The following PKD1L1 variants were observed in gnomAD, a reference collection of about 807,000 sequenced individuals.
PKD1L1 encodes polycystin-1-like protein 1.
A neutral mutation model predicts 323.4 loss-of-function variants in PKD1L1; 236 were observed. The ratio of observed to expected loss-of-function variants is 0.73; its 90% confidence interval spans 0.66 to 0.81. The LOEUF (loss-of-function observed/expected upper bound fraction) is 0.81, where lower values mean the gene tolerates loss of function less well. Ranked by LOEUF, PKD1L1 falls within the 40% of genes least tolerant of loss-of-function variation. The pLI, the probability that PKD1L1 is intolerant of heterozygous loss-of-function variation, is 0.00. For missense variants in PKD1L1, 3,320 were observed against 3,508.0 expected (o/e 0.95, Z 1.35); for synonymous variants, 1,344 against 1,335.0 (o/e 1.01, Z -0.15).
At chr7:47,914,862 G>C (rs1160328667) in intron 8 of PKD1L1, among the ~76,000 whole-genome samples, 3 of 152,044 alleles carry the variant, frequency 2.0e-5, no homozygotes, top group Non-Finnish European at 2.9e-5. Flanking sequence ...CAGATACCTG[G>C]AGCCAGCCCA....
At chr7:47,890,820 C>T (rs1583652763) in intron 15 of PKD1L1, 57 bp from the exon 16 acceptor site, 1 of 1,492,124 alleles carries the variant, frequency 6.7e-7, no homozygotes, top group African/African-American at 1.4e-5. Flanking sequence ...TCAGGGACTA[C>T]CCTGTGTCAC....
chr7:47,854,590 T>C (rs1785855048), intron 30 of PKD1L1, among the ~76,000 whole-genome samples: 1 of 152,190 alleles, frequency 6.6e-6, no homozygotes, highest in Admixed American at 6.5e-5. Flanking sequence ...AAAAAAAATC[T>C]TGCTCAGACC....
intron 21 of PKD1L1, among the ~76,000 whole-genome samples, chr7:47,879,401 G>A (rs899267656): frequency 7.9e-5 from 12 of 152,120 alleles, no homozygotes; most frequent in African/African-American, 2.7e-4. Context: ...GCCAAGGCAG[G>A]TGGATCGCTC....
At position 47,898,136 on chromosome 7, in the gene PKD1L1, T is replaced by C. The variant is rs1787000983; in HGVS notation, c.2123A>G (p.Asp708Gly). Reference sequence around the variant, plus strand: ...GGTGTAAGAAAGACCTTGGGAAATATCACAGAAGACTGCAGCTTCAAACGT... The same window carrying C: ...GGTGTAAGAAAGACCTTGGGAAATACCACAGAAGACTGCAGCTTCAAACGT... The part of the protein sequence containing the change: ...GVTFEAAVFC[D>G]ISQGLSYTWN... Residue 708 changes from aspartate to glycine, a missense_variant, in exon 14 of 57, where the codon GAT becomes GGT. By Grantham distance (94) the Asp-to-Gly change is moderately conservative. Coordinates refer to ENST00000289672, the MANE Select transcript of PKD1L1 (RefSeq NM_138295.5). The C allele has an allele frequency of 9.9e-6, 16 of 1,614,142 alleles. No homozygotes were observed. The highest frequency in any genetic ancestry group is 1.3e-5 in the African/African-American group (1 of 75,028).
At chr7:47,902,797 G>A (rs1034941007) in intron 12 of PKD1L1, among the ~76,000 whole-genome samples, 15 of 152,230 alleles carry the variant, frequency 9.9e-5, no homozygotes, top group African/African-American at 3.6e-4. Context: ...TGAGGGGCAT[G>A]TTGCTTCCTT....
At chr7:47,939,802 C>T (rs1447672210) in intron 3 of PKD1L1, among the ~76,000 whole-genome samples, 2 of 150,920 alleles carry the variant, frequency 1.3e-5, no homozygotes, top group Non-Finnish European at 3.0e-5. Context: ...CTCCCCACCC[C>T]GGGGATAGCC....
Position 47,831,336 on chromosome 7 carries a change from C to T in PKD1L1, c.6354G>A (p.Leu2118=). 1 of 1,613,698 alleles carries T rather than the reference C, an allele frequency of 6.2e-7. No homozygotes were observed. Among genetic ancestry groups the T allele is most frequent in the Admixed American group, 1.7e-5 (1 of 59,902 alleles). Residue 2118 remains leucine (L), a synonymous_variant, in exon 42 of 57, where the codon TTG becomes TTA. Transcript: ENST00000289672. ...TTGACCACTGGGGCATTAGTCCCTC[C>T]AAACCACTGCTGGGTGCTGCGGAAG... ...PPHTQAPSSG[L]EGLMPQWSRA...
chr7:47,930,986 T>A (rs1415215941), intron 6 of PKD1L1, 118 bp downstream of exon 6: 1 of 1,078,590 alleles, frequency 9.3e-7, no homozygotes, highest in Non-Finnish European at 1.3e-6. Context: ...TGGACTCAAC[T>A]GCAACTATAA....
At chr7:47,930,067 G>A (rs556676212) in intron 6 of PKD1L1, among the ~76,000 whole-genome samples, 2 of 152,324 alleles carry the variant, frequency 1.3e-5, no homozygotes, top group South Asian at 4.1e-4. Context: ...GGACTTTCAA[G>A]ATCATTTATG....
intron 22 of PKD1L1, 142 bp from the exon 23 acceptor site, chr7:47,876,359 G>T: frequency 1.1e-6 from 1 of 944,636 alleles, no homozygotes; most frequent in Non-Finnish European, 1.6e-6. Context: ...CAGGTAAGCA[G>T]CACTCCCAGC....
intron 56 of PKD1L1, among the ~76,000 whole-genome samples, chr7:47,776,583 T>C (rs1331023443): frequency 6.6e-6 from 1 of 152,230 alleles, no homozygotes; most frequent in Non-Finnish European, 1.5e-5. Context: ...TTTTTCTTCA[T>C]ACCCCAGTGC....
intron 46 of PKD1L1, among the ~76,000 whole-genome samples, chr7:47,817,467 G>A (rs1197328273): frequency 6.6e-6 from 1 of 151,894 alleles, no homozygotes; most frequent in Non-Finnish European, 1.5e-5. Context: ...GACAATAATT[G>A]GACAATATTA....
At chr7:47,854,357 C>T (rs1785851080) in intron 30 of PKD1L1, among the ~76,000 whole-genome samples, 1 of 152,070 alleles carries the variant, frequency 6.6e-6, no homozygotes, top group South Asian at 2.1e-4. Flanking sequence ...CCAACGAACT[C>T]TGCAGACTGG....
intron 54 of PKD1L1, among the ~76,000 whole-genome samples, chr7:47,800,341 G>T (rs1284290024): frequency 6.6e-6 from 1 of 152,258 alleles, no homozygotes; most frequent in East Asian, 1.9e-4. Context: ...TGAGATTGCA[G>T]ATGAAGTTCA....
intron 10 of PKD1L1, among the ~76,000 whole-genome samples, chr7:47,905,636 C>T (rs1030044843): frequency 5.9e-5 from 9 of 152,212 alleles, no homozygotes. Flanking sequence ...AACCCACCTT[C>T]CCATTCCTTC....
At chr7:47,869,653 A>G (rs62450665) in intron 24 of PKD1L1, among the ~76,000 whole-genome samples, 48,867 of 151,810 alleles carry the variant, frequency 0.32, 8,355 homozygotes, top group African/African-American at 0.43. Flanking sequence ...ACTCAAAATA[A>G]TAATACTGTC....
intron 9 of PKD1L1, among the ~76,000 whole-genome samples, chr7:47,906,842 CT>C (rs1787216512): frequency 6.6e-6 from 1 of 151,946 alleles, no homozygotes; most frequent in South Asian, 2.1e-4. Context: ...ATCACATGGT[CT>C]CATTAAGCAT....
chr7:47,942,913 G>A (rs548014230), intron 2 of PKD1L1, among the ~76,000 whole-genome samples: 7 of 152,180 alleles, frequency 4.6e-5, no homozygotes, highest in African/African-American at 1.7e-4. Context: ...TTGGAAGGCC[G>A]AGGTGGGCAG....
At position 47,855,261 on chromosome 7, in the gene PKD1L1, C is replaced by T; in HGVS notation, c.4595G>A (p.Gly1532Asp). 2 of 1,611,512 alleles carry T rather than the reference C, an allele frequency of 1.2e-6. No homozygotes were observed. The highest frequency in any genetic ancestry group is 1.7e-6 in the Non-Finnish European group (2 of 1,178,314). The stretch of plus-strand genomic sequence containing the variant: ...ATAGAGGTTGAGGCCCACAACTCCA[C>T]CAATCTTGGGGAACAAAGACCATCT... The part of the protein sequence containing the change: ...YPGSQAPGQI[G>D]GVVGLNLYTC... The change falls in exon 29 of 57, where the codon GGT becomes GAT. Residue 1532 changes from glycine to aspartate, a missense_variant. By Grantham distance (94) the Gly-to-Asp change is moderately conservative (BLOSUM62 -1). Transcript: ENST00000289672.
Sources: allele counts gnomAD v4.1 joint callset (sites outside exome capture counted in the v4.1 genomes callset), GRCh38; gene constraint gnomAD v4.1.1; transcripts MANE v1.5; gene names NCBI Gene and HGNC (gene_info 2026-07-23, HGNC 2026-07-21).